FARS2: variants seen among roughly 807,000 people sequenced by gnomAD.
FARS2 encodes the protein phenylalanyl-tRNA synthetase 2, mitochondrial, also known as phenylalanine--tRNA ligase, mitochondrial.
Under a neutral mutation model 46.4 loss-of-function variants are expected in FARS2, and 40 were observed. The ratio of observed to expected loss-of-function variants is 0.86; its 90% CI spans 0.67 to 1.12. The LOEUF is 1.12. Ranked by LOEUF, FARS2 falls within the 50% of genes most tolerant of loss-of-function variation. The pLI is 0.00. For synonymous variants in FARS2, 234 were observed against 214.9 expected (o/e 1.09, Z -0.78); for missense variants, 513 against 567.9 (o/e 0.90, Z 0.98).
In FARS2 at chr6:5,487,300, A is replaced by G. The variant is rs533334669; in HGVS notation, c.904+56128A>G. On this transcript the variant is annotated intron_variant, in intron 4 of 6. Transcript: ENST00000274680. ...GGCTTGTGGAGGCGAGCTAAACTCC[A>G]TAACCCCATGACTGTACATCCTGAA... 4.6e-5 allele frequency among the ~76,000 whole-genome samples: 7 copies of G among 152,312 alleles called. No individual in the cohort carries two copies. In the South Asian group the frequency reaches 1.2e-3, roughly 27 times the overall value.
chr6:5,752,877 C>G lies in FARS2; in HGVS notation c.1218-18414C>G, dbSNP rs76679792. Among the ~76,000 whole-genome samples the G allele has an allele frequency of 2.4e-3, 362 of 152,124 alleles. 2 individuals are homozygous for G. The highest frequency in any genetic ancestry group is 3.7e-3 in the Non-Finnish European group (251 of 67,990). The stretch of plus-strand genomic sequence containing the variant: ...CCCCACGCCTTGCCCTCCCCAAGAC[C>G]CCCCCCAGGTCTCTCTCCCAGGTAT... On this transcript the variant is annotated intron_variant, in intron 6 of 6. Transcript: ENST00000274680.
intron 1 of FARS2, among the ~76,000 whole-genome samples, chr6:5,274,715 T>C (rs1369367060): frequency 6.6e-6 from 1 of 152,018 alleles, no homozygotes; most frequent in Non-Finnish European, 1.5e-5. Context: ...CAGCTCACCA[T>C]GTCTTTTTTT....
At chr6:5,491,254 T>G (rs575523490) in intron 4 of FARS2, among the ~76,000 whole-genome samples, 1 of 152,332 alleles carries the variant, frequency 6.6e-6, no homozygotes, top group South Asian at 2.1e-4. Context: ...CCAAATCTTT[T>G]GCCCATTTAA....
At chr6:5,496,805 T>C (rs1446135308) in intron 4 of FARS2, among the ~76,000 whole-genome samples, 1 of 152,206 alleles carries the variant, frequency 6.6e-6, no homozygotes, top group Non-Finnish European at 1.5e-5. Flanking sequence ...GTTAGGACTT[T>C]CATATATGAA....
intron 1 of FARS2, among the ~76,000 whole-genome samples, chr6:5,282,702 T>C (rs967091900): frequency 6.6e-6 from 1 of 152,158 alleles, no homozygotes; most frequent in Non-Finnish European, 1.5e-5. Context: ...TTTAGAAAGG[T>C]GGGTCCAGGA....
chr6:5,299,127 G>C (rs1768105282), intron 1 of FARS2, among the ~76,000 whole-genome samples: 2 of 152,166 alleles, frequency 1.3e-5, no homozygotes, highest in Admixed American at 1.3e-4. Flanking sequence ...TGCTTGCCTA[G>C]ATTTCAGTAC....
chr6:5,531,949 C>T (rs560190534), intron 4 of FARS2, among the ~76,000 whole-genome samples: 2 of 152,270 alleles, frequency 1.3e-5, no homozygotes, highest in African/African-American at 4.8e-5. Flanking sequence ...AATCAAGGGA[C>T]GTGGATGCCT....
chr6:5,442,618 G>T (rs116482235), intron 4 of FARS2, among the ~76,000 whole-genome samples: 1,981 of 152,152 alleles, frequency 0.013, 19 homozygotes, highest in Middle Eastern at 0.027. Context: ...TCAGCATTGG[G>T]ATTCTAAATA....
rs755159547 is a variant in FARS2 at position 5,513,471 on chromosome 6, T to A, written c.905-31709T>A. On this transcript the variant is annotated intron_variant, in intron 4 of 6. Coordinates refer to ENST00000274680, the MANE Select transcript of FARS2 (RefSeq NM_006567.5). ...GGGAGGCCACCTGAAGAAGTGATAT[T>A]TAGCCGAAGGTCTAGAATGATTTGG... 5.3e-5 allele frequency among the ~76,000 whole-genome samples: 8 copies of A among 152,222 alleles called. No homozygotes were observed. In the East Asian group the frequency reaches 1.3e-3, roughly 26 times the overall value.
intron 5 of FARS2, among the ~76,000 whole-genome samples, chr6:5,546,549 C>A (rs114984607): frequency 6.6e-6 from 1 of 151,746 alleles, no homozygotes; most frequent in Non-Finnish European, 1.5e-5. Context: ...TGCGCCCAGC[C>A]CTCATCTAGT....
intron 6 of FARS2, among the ~76,000 whole-genome samples, chr6:5,713,653 T>A (rs779434455): frequency 7.9e-5 from 12 of 152,270 alleles, no homozygotes; most frequent in Non-Finnish European, 1.6e-4. Flanking sequence ...CATGGGCAGG[T>A]CTTGCATGTG....
intron 3 of FARS2, among the ~76,000 whole-genome samples, chr6:5,410,726 C>T (rs1487870234): frequency 1.3e-5 from 2 of 152,024 alleles, no homozygotes; most frequent in Admixed American, 1.3e-4. Flanking sequence ...TGACGTGCAT[C>T]TATGATATGG....
intron 1 of FARS2, among the ~76,000 whole-genome samples, chr6:5,295,723 A>G (rs937262908): frequency 1.3e-4 from 20 of 152,220 alleles, no homozygotes; most frequent in African/African-American, 4.6e-4. Context: ...AGCTTTATAT[A>G]AGGTGAAGAC....
intron 4 of FARS2, among the ~76,000 whole-genome samples, chr6:5,480,375 T>G (rs994874899): frequency 6.6e-6 from 1 of 152,228 alleles, no homozygotes; most frequent in Non-Finnish European, 1.5e-5. Context: ...TGTTGAAAAA[T>G]GCAGGCAATA....
intron 5 of FARS2, among the ~76,000 whole-genome samples, chr6:5,560,308 A>T (rs371918111): frequency 2.0e-5 from 3 of 152,108 alleles, no homozygotes; most frequent in African/African-American, 4.8e-5. Context: ...AAATCTGTCT[A>T]TATATTTCGA....
intron 5 of FARS2, among the ~76,000 whole-genome samples, chr6:5,582,246 C>A (rs1336452707): frequency 4.5e-5 from 6 of 133,112 alleles, no homozygotes; most frequent in Non-Finnish European, 8.1e-5. Context: ...ATTCCTGATG[C>A]GCTTCTATAA....
intron 6 of FARS2, among the ~76,000 whole-genome samples, chr6:5,744,969 C>T (rs1344673607): frequency 3.9e-5 from 6 of 152,198 alleles, no homozygotes; most frequent in South Asian, 2.1e-4. Flanking sequence ...ATCCTAGTCA[C>T]GACCTTACCT....
chr6:5,537,173 C>G (rs1770257805), intron 4 of FARS2, among the ~76,000 whole-genome samples: 1 of 152,188 alleles, frequency 6.6e-6, no homozygotes, highest in Non-Finnish European at 1.5e-5. Flanking sequence ...TGGCCATTCT[C>G]AGCTCTTTCT....
intron 2 of FARS2, among the ~76,000 whole-genome samples, chr6:5,402,707 A>G (rs1761331612): frequency 1.3e-5 from 2 of 152,244 alleles, no homozygotes; most frequent in Middle Eastern, 3.4e-3. Flanking sequence ...CTCAATTGAA[A>G]AGGTTGTCTT....
Sources: gnomAD v4.1 joint callset for allele counts (sites outside exome capture counted in the v4.1 genomes callset) on GRCh38, gnomAD v4.1.1 for gene constraint, MANE v1.5 for transcripts, NCBI Gene and HGNC (gene_info 2026-07-23, HGNC 2026-07-21) for gene names.